Variants in CSMD2 observed in about 807,000 individuals in gnomAD.
The protein encoded by CSMD2 is CUB and sushi domain-containing protein 2.
Under a neutral mutation model 398.5 loss-of-function variants are expected in CSMD2, and 130 were observed. The ratio of observed to expected loss-of-function variants is 0.33; its 90% CI spans 0.28 to 0.38. The LOEUF (loss-of-function observed/expected upper bound fraction) is 0.38, where lower values mean the gene tolerates loss of function less well. Among genes scored for constraint, CSMD2 ranks in the 10% least tolerant of loss-of-function variants. The probability of loss-of-function intolerance (pLI) is 1.00; values close to 1 mark genes in which losing one functional copy is unlikely to be tolerated. For missense variants in CSMD2, 3,829 were observed against 4,764.9 expected, an observed-to-expected ratio of 0.80 and a Z score of 5.78; for synonymous variants, 1,828 against 1,908.5, an observed-to-expected ratio of 0.96 and a Z score of 1.10.
At chr1:33,959,833 C>T (rs1309968717) in intron 3 of CSMD2, among the ~76,000 whole-genome samples, 1 of 152,186 alleles carries the variant, frequency 6.6e-6, no homozygotes, top group Non-Finnish European at 1.5e-5. Context: ...GTTCTGCATG[C>T]CATTTATCCC....
At position 33,515,724 on chromosome 1, in the gene CSMD2, A is replaced by T. The variant is rs553918233; in HGVS notation, c.*900T>A. The T allele has an allele frequency of 4.8e-4, 73 of 152,086 alleles. No individual in the cohort carries two copies. The highest frequency in any genetic ancestry group is 1.7e-3 in the African/African-American group (72 of 41,444). 9.4% of individuals were successfully genotyped at this position (152,086 alleles called of 1,614,324 possible). A position where few individuals can be genotyped will look rare whatever the true frequency, so the allele number is the denominator to read the frequency against. On this transcript the variant is annotated 3_prime_UTR_variant, in exon 71 of 71. Coordinates refer to ENST00000373381, the MANE Select transcript of CSMD2 (RefSeq NM_001281956.2). ...GGCTTGCTCCCCTGTTCTCTCAAGG[A>T]CCCTGCTGCTGCCCCCAGACTTGGC... is the stretch of plus-strand genomic sequence containing the variant.
intron 6 of CSMD2, among the ~76,000 whole-genome samples, chr1:33,832,968 G>A (rs905916645): frequency 2.0e-5 from 3 of 151,444 alleles, no homozygotes; most frequent in Admixed American, 6.6e-5. Context: ...TCGAATCTCT[G>A]AATAGACCAA....
chr1:34,103,997 C>T lies in CSMD2; in HGVS notation c.188-14804G>A, dbSNP rs141280881. ...GTTTTGACATCTTTAAAATTAACACCCACTTCTAGGATGGTTGTACAGATT... is the reference window on the plus strand; with the variant it reads ...GTTTTGACATCTTTAAAATTAACACTCACTTCTAGGATGGTTGTACAGATT... On this transcript the variant is annotated intron_variant, in intron 1 of 70. Coordinates refer to ENST00000373381, the MANE Select transcript of CSMD2 (RefSeq NM_001281956.2). Among the ~76,000 whole-genome samples the T allele has an allele frequency of 6.6e-5, 10 of 152,160 alleles. 1 individual carries two copies. The highest frequency in any genetic ancestry group is 2.4e-4 in the African/African-American group (10 of 41,514).
chr1:34,121,996 T>TC, intron 1 of CSMD2, among the ~76,000 whole-genome samples: 1 of 145,358 alleles, frequency 6.9e-6, no homozygotes, highest in East Asian at 2.0e-4. Context: ...TTTTTCTGGT[T>TC]TTTTTTTTTT....
chr1:33,907,536 G>A (rs931438682), intron 5 of CSMD2, among the ~76,000 whole-genome samples: 3 of 152,142 alleles, frequency 2.0e-5, no homozygotes, highest in Non-Finnish European at 4.4e-5. Context: ...AGGGTAGCCA[G>A]TGTAGACCAC....
At chr1:33,649,198 C>A (rs1175697846) in intron 28 of CSMD2, among the ~76,000 whole-genome samples, 1 of 152,176 alleles carries the variant, frequency 6.6e-6, no homozygotes, top group Admixed American at 6.5e-5. Flanking sequence ...AGTAAATGAG[C>A]TTGCAGAGAA....
At chr1:33,626,351 T>C in intron 33 of CSMD2, 135 bp downstream of exon 33, 2 of 548,036 alleles carry the variant, frequency 3.6e-6, no homozygotes, top group Non-Finnish European at 6.4e-6. Context: ...GGAATTGCCC[T>C]ACAAACTAGT....
chr1:33,629,805 C>T lies in CSMD2; in HGVS notation c.5201-3224G>A, dbSNP rs141016902. ...TCGCCCAGGCTGGAGTGCAATGGCG[C>T]GATCTTGGCTTACTGCTACCTCCAC... On this transcript the variant is annotated intron_variant, in intron 32 of 70. Transcript: ENST00000373381. Among the ~76,000 whole-genome samples the T allele has an allele frequency of 5.3e-3, 797 of 151,680 alleles. 8 individuals carry two copies. Among genetic ancestry groups the T allele is most frequent in the African/African-American group, 0.017 (690 of 41,368 alleles).
intron 54 of CSMD2, among the ~76,000 whole-genome samples, chr1:33,558,931 C>T (rs1228375300): frequency 6.6e-6 from 1 of 152,112 alleles, no homozygotes; most frequent in Non-Finnish European, 1.5e-5. Context: ...CTCCTGATCT[C>T]GTGGAGCAGC....
chr1:33,712,966 G>A (rs1646042829), intron 21 of CSMD2, among the ~76,000 whole-genome samples: 1 of 152,168 alleles, frequency 6.6e-6, no homozygotes, highest in Non-Finnish European at 1.5e-5. Context: ...GATTGTAAAA[G>A]GTTATTGGCA....
chr1:34,139,273 G>A (rs1639047358), intron 1 of CSMD2, among the ~76,000 whole-genome samples: 2 of 152,118 alleles, frequency 1.3e-5, no homozygotes, highest in Admixed American at 6.5e-5. Flanking sequence ...TGGTGGCTTT[G>A]TAAGAAGAAG....
intron 51 of CSMD2, 96 bp downstream of exon 51, chr1:33,571,436 A>G: frequency 3.3e-6 from 3 of 910,904 alleles, no homozygotes; most frequent in Non-Finnish European, 3.0e-6. Context: ...CCCTGGTGAT[A>G]CCCCTTTTTC....
chr1:34,065,286 C>T (rs1344691685), intron 2 of CSMD2, among the ~76,000 whole-genome samples: 1 of 152,202 alleles, frequency 6.6e-6, no homozygotes, highest in Non-Finnish European at 1.5e-5. Context: ...TCGCCCCACT[C>T]TGCCTTTTTG....
intron 1 of CSMD2, among the ~76,000 whole-genome samples, chr1:34,148,305 C>T (rs1639968307): frequency 6.6e-6 from 1 of 152,188 alleles, no homozygotes. Flanking sequence ...CACAGAGCAA[C>T]TATCTCATTG....
intron 3 of CSMD2, among the ~76,000 whole-genome samples, chr1:33,987,558 T>C (rs1181408506): frequency 6.6e-6 from 1 of 152,166 alleles, no homozygotes; most frequent in Non-Finnish European, 1.5e-5. Flanking sequence ...CAAGTATTTG[T>C]TTAGATACCT....
At chr1:33,944,581 G>A (rs1644784006) in intron 3 of CSMD2, among the ~76,000 whole-genome samples, 1 of 152,194 alleles carries the variant, frequency 6.6e-6, no homozygotes, top group Non-Finnish European at 1.5e-5. Context: ...CAAAGAGAGA[G>A]TTGAATTTAG....
At chr1:33,557,113 C>T (rs1276637974) in intron 55 of CSMD2, among the ~76,000 whole-genome samples, 1 of 152,178 alleles carries the variant, frequency 6.6e-6, no homozygotes, top group East Asian at 1.9e-4. Flanking sequence ...TATTGAGTAG[C>T]TACTATGTAC....
chr1:33,716,288 G>A lies in CSMD2; in HGVS notation c.3215C>T (p.Ser1072Leu). The change falls in exon 20 of 71, where the codon TCA becomes TTA. Residue 1072 changes from serine (S) to leucine (L), a missense_variant and splice_region_variant. Ser to Leu is a moderately radical substitution (Grantham distance 145). Around this residue, in one of 5 missense-constraint regions of CSMD2, gnomAD observed 2,001 missense variants for 2,567.1 expected, o/e 0.78. Coordinates refer to ENST00000373381, the MANE Select transcript of CSMD2 (RefSeq NM_001281956.2). Reference protein sequence around the residue: ...MSYEGFNITFSEYDLEPCEEP... With the variant: ...MSYEGFNITFLEYDLEPCEEP... ...TCAGGGACCCTCATACTCTTTACCT[G>A]AGAAGGTGATGTTGAATCCTTCATA... is the stretch of plus-strand genomic sequence containing the variant. 3 of 1,612,926 alleles carry A rather than the reference G, an allele frequency of 1.9e-6. No individual in the cohort carries two copies. The highest frequency in any genetic ancestry group is 2.5e-6 in the Non-Finnish European group (3 of 1,178,996).
intron 19 of CSMD2, among the ~76,000 whole-genome samples, chr1:33,716,712 C>T (rs182904932): frequency 1.3e-5 from 2 of 152,292 alleles, no homozygotes; most frequent in African/African-American, 4.8e-5. Flanking sequence ...AAGAATTTTA[C>T]AGTTCTTCTT....
Sources: gnomAD v4.1 joint callset for allele counts (sites outside exome capture counted in the v4.1 genomes callset) on GRCh38, gnomAD v4.1.1 for gene constraint, gnomAD v4.1.1 regional missense constraint, MANE v1.5 for transcripts, NCBI Gene and HGNC (gene_info 2026-07-23, HGNC 2026-07-21) for gene names.